ASTN1: variants seen among roughly 807,000 people sequenced by gnomAD.
ASTN1 encodes the protein astrotactin-1.
ASTN1 carries 41 observed loss-of-function variants against 140.7 expected under a neutral mutation model. The ratio of observed to expected loss-of-function variants is 0.29; its 90% CI spans 0.23 to 0.38. ASTN1 has a LOEUF of 0.38. Ranked by LOEUF, ASTN1 falls within the 10% of genes least tolerant of loss-of-function variation. ASTN1 has a pLI of 1.00. For synonymous variants in ASTN1, 640 were observed against 652.2 expected, an observed-to-expected ratio of 0.98 and a Z score of 0.29; for missense variants, 1,479 against 1,678.8, an observed-to-expected ratio of 0.88 and a Z score of 2.08.
chr1:177,113,040 A>G (rs575514808), intron 1 of ASTN1, among the ~76,000 whole-genome samples: 2 of 152,310 alleles, frequency 1.3e-5, no homozygotes, highest in South Asian at 4.1e-4. Context: ...ATAAGCATGC[A>G]CAGAGCCGAC....
rs771220040 is a variant in ASTN1, at chr1:177,023,490, T to C, written c.1352A>G (p.Gln451Arg). The C allele has an allele frequency of 1.3e-5, 21 of 1,612,696 alleles. No individual in the cohort carries two copies. Among genetic ancestry groups the C allele is most frequent in the Admixed American group, 8.4e-5 (5 of 59,748 alleles). ...LNPAQVVLFS[Q>R]QNSSGPWAMD... ...GGCCCAGGGTCCGCTGGAGTTCTGC[T>C]GAGAGAAGAGAACCACTTGGGCAGG... Residue 451 changes from glutamine (Q) to arginine (R), a missense_variant, in exon 7 of 23, where the codon CAG (glutamine) becomes CGG (arginine). Gln to Arg is a conservative substitution (Grantham distance 43). Transcript: ENST00000361833.
chr1:176,866,287 G>C (rs1668125820), intron 22 of ASTN1, among the ~76,000 whole-genome samples: 1 of 152,248 alleles, frequency 6.6e-6, no homozygotes, highest in South Asian at 2.1e-4. Context: ...GGTCATGGGA[G>C]GGATAGTCAT....
chr1:176,899,400 G>A (rs1401704001), intron 16 of ASTN1, among the ~76,000 whole-genome samples: 2 of 152,148 alleles, frequency 1.3e-5, no homozygotes, highest in Non-Finnish European at 2.9e-5. Context: ...AGGCCATGAG[G>A]TGAATTAGTT....
chr1:177,064,979 C>A (rs1678279330), intron 1 of ASTN1, among the ~76,000 whole-genome samples: 1 of 152,132 alleles, frequency 6.6e-6, no homozygotes, highest in South Asian at 2.1e-4. Context: ...GGTCTGGATC[C>A]CAGCAGAATA....
At chr1:177,001,977 G>A (rs1397778432) in intron 8 of ASTN1, among the ~76,000 whole-genome samples, 4 of 152,160 alleles carry the variant, frequency 2.6e-5, no homozygotes, top group East Asian at 3.9e-4. Context: ...GCTTAGAACT[G>A]TGGTCTGGAC....
At chr1:176,887,437 C>G (rs761595988) in intron 18 of ASTN1, among the ~76,000 whole-genome samples, 5 of 152,204 alleles carry the variant, frequency 3.3e-5, no homozygotes, top group Non-Finnish European at 5.9e-5. Context: ...CTCCTCACCA[C>G]TACTTCAATC....
At chr1:177,056,562 C>CATAT (rs146444597) in intron 2 of ASTN1, among the ~76,000 whole-genome samples, 1,583 of 136,220 alleles carry the variant, frequency 0.012, 17 homozygotes, top group Non-Finnish European at 0.014. Flanking sequence ...AGAAAAATTT[C>CATAT]ATATATATAT....
intron 9 of ASTN1, among the ~76,000 whole-genome samples, chr1:176,964,777 C>T (rs1162389036): frequency 6.6e-6 from 1 of 152,190 alleles, no homozygotes; most frequent in South Asian, 2.1e-4. Context: ...CAGAAACTGA[C>T]ATTAATTGCC....
intron 1 of ASTN1, among the ~76,000 whole-genome samples, chr1:177,102,147 G>A (rs1321772689): frequency 6.6e-6 from 1 of 152,174 alleles, no homozygotes; most frequent in Non-Finnish European, 1.5e-5. Flanking sequence ...TTTATCCTTT[G>A]TGCTCCATCT....
chr1:177,158,982 C>A (rs1683364911), intron 1 of ASTN1, among the ~76,000 whole-genome samples: 1 of 148,408 alleles, frequency 6.7e-6, no homozygotes, highest in Non-Finnish European at 1.5e-5. Context: ...CAGGAGAATT[C>A]CTTGAATCTG....
intron 2 of ASTN1, among the ~76,000 whole-genome samples, chr1:177,037,856 T>C (rs1160569912): frequency 2.0e-5 from 3 of 152,238 alleles, no homozygotes; most frequent in Non-Finnish European, 4.4e-5. Flanking sequence ...AAATACATTT[T>C]TCTTTTTAAA....
rs1414753902 is a variant in ASTN1 at position 176,862,391 on chromosome 1, C to T, written c.*1893G>A. ...GGCCATGTGCAGTGGAACTAGGGGT[C>T]CCAAGGGTGCTCTAGCTCCAAAGGC... is the stretch of plus-strand genomic sequence containing the variant. On this transcript the variant is annotated 3_prime_UTR_variant, in exon 23 of 23. Transcript: ENST00000361833. 69 of 985,456 alleles carry T rather than the reference C, an allele frequency of 7.0e-5. No homozygotes were observed. The highest frequency in any genetic ancestry group is 7.6e-5 in the Non-Finnish European group (63 of 829,984). 61.0% of individuals were successfully genotyped at this position (985,456 alleles called of 1,614,324 possible).
intron 2 of ASTN1, among the ~76,000 whole-genome samples, chr1:177,035,253 A>C (rs1282183398): frequency 1.3e-5 from 2 of 152,184 alleles, no homozygotes; most frequent in Non-Finnish European, 2.9e-5. Flanking sequence ...CTATATTCTT[A>C]AGCACTAGCC....
intron 16 of ASTN1, among the ~76,000 whole-genome samples, chr1:176,919,018 C>T (rs1670619416): frequency 6.6e-6 from 1 of 152,194 alleles, no homozygotes; most frequent in Admixed American, 6.5e-5. Flanking sequence ...GTTTTACTGA[C>T]CACCCTCTTT....
At chr1:177,052,009 T>C (rs1368023168) in intron 2 of ASTN1, among the ~76,000 whole-genome samples, 4 of 152,106 alleles carry the variant, frequency 2.6e-5, no homozygotes, top group Admixed American at 6.5e-5. Flanking sequence ...AGATGTCAAT[T>C]ATGAGATCAG....
chr1:177,137,761 C>A (rs1473314129), intron 1 of ASTN1, among the ~76,000 whole-genome samples: 4 of 152,148 alleles, frequency 2.6e-5, no homozygotes, highest in African/African-American at 4.8e-5. Flanking sequence ...GGGTCTCCTG[C>A]CTCTTAGCCT....
chr1:177,136,363 T>G (rs10047163), intron 1 of ASTN1, among the ~76,000 whole-genome samples: 2 of 151,030 alleles, frequency 1.3e-5, no homozygotes, highest in African/African-American at 4.9e-5. Flanking sequence ...CCTTTTTTTT[T>G]TTTTTTTGAG....
In ASTN1 at chr1:176,904,859, TC is replaced by T. The variant is rs142581149; in HGVS notation, c.2672-10030del. Reference sequence around the variant, plus strand: ...GGGGCGCCCAGCATCAGCCTGGACCTCGGCTGATGTTGAAGGCCCCACTGAG... The same window carrying T: ...GGGGCGCCCAGCATCAGCCTGGACCTGGCTGATGTTGAAGGCCCCACTGAG... On this transcript the variant is annotated intron_variant, in intron 16 of 22. Coordinates refer to ENST00000361833, the MANE Select transcript of ASTN1 (RefSeq NM_004319.3). Among the ~76,000 whole-genome samples the T allele has an allele frequency of 0.011, 1,692 of 152,240 alleles. 68 individuals are homozygous for T. In the East Asian group the frequency reaches 0.13, roughly 12 times the overall value.
chr1:176,936,202 T>A (rs759736675), intron 15 of ASTN1, 64 bp downstream of exon 15: 1 of 1,426,996 alleles, frequency 7.0e-7, no homozygotes, highest in Non-Finnish European at 9.9e-7. Context: ...CAAAGGCTTC[T>A]CCCCTTGGAA....
Sources: allele counts gnomAD v4.1 joint callset (sites outside exome capture counted in the v4.1 genomes callset), GRCh38; gene constraint gnomAD v4.1.1; transcripts MANE v1.5; gene names NCBI Gene and HGNC (gene_info 2026-07-23, HGNC 2026-07-21).